SNAP29: variants seen among roughly 807,000 people sequenced by gnomAD.
SNAP29 encodes the protein synaptosome associated protein 29, also known as synaptosomal-associated protein 29.
SNAP29 carries 13 observed loss-of-function variants against 27.9 expected under a neutral mutation model. That is an observed-to-expected ratio of 0.47 (90% confidence interval 0.30 to 0.74). The LOEUF (loss-of-function observed/expected upper bound fraction) is 0.74, where lower values mean the gene tolerates loss of function less well. Among genes scored for constraint, SNAP29 ranks in the 30% least tolerant of loss-of-function variants. SNAP29 has a pLI of 0.06. For synonymous variants in SNAP29, 119 were observed against 127.1 expected, an observed-to-expected ratio of 0.94 and a Z score of 0.43; for missense variants, 368 against 336.5, an observed-to-expected ratio of 1.09 and a Z score of -0.73.
At chr22:20,868,615 T>TA (rs362186) in intron 1 of SNAP29, among the ~76,000 whole-genome samples, 57,152 of 151,860 alleles carry the variant, frequency 0.38, 11,213 homozygotes, top group African/African-American at 0.46. Context: ...AGAATATATC[T>TA]AAAAAACATT....
At chr22:20,862,667 GCA>G (rs1928354043) in intron 1 of SNAP29, among the ~76,000 whole-genome samples, 1 of 152,200 alleles carries the variant, frequency 6.6e-6, no homozygotes, top group Admixed American at 6.5e-5. Context: ...AGGCAGAGTG[GCA>G]CTTCAGGCAT....
At chr22:20,872,202 A>C (rs1569117330) in intron 2 of SNAP29, among the ~76,000 whole-genome samples, 1 of 151,064 alleles carries the variant, frequency 6.6e-6, no homozygotes, top group Non-Finnish European at 1.5e-5. Flanking sequence ...TTCCATAACC[A>C]TCTCTCTCTC....
rs1479936412 is a variant in SNAP29, at chr22:20,870,509, C to T, written c.410C>T (p.Thr137Ile). 1 of 1,613,972 alleles carries T rather than the reference C, an allele frequency of 6.2e-7. No individual in the cohort carries two copies. Among genetic ancestry groups the T allele is most frequent in the African/African-American group, 1.3e-5 (1 of 74,918 alleles). The part of the protein sequence containing the change: ...PVETPPEQNG[T>I]LTSQPNNRLK... ...GAGACCCCACCTGAACAGAATGGCACCCTCACCTCCCAGCCCAACAACAGG... is the reference window on the plus strand; with the variant it reads ...GAGACCCCACCTGAACAGAATGGCATCCTCACCTCCCAGCCCAACAACAGG... Residue 137 changes from threonine to isoleucine, a missense_variant, in exon 2 of 5, where the codon ACC becomes ATC. Physicochemically the swap from Thr to Ile is moderately conservative, Grantham distance 89. Transcript: ENST00000215730.
chr22:20,888,028 T>G lies in SNAP29; in HGVS notation c.*192T>G. 1.7e-6 allele frequency: 1 copy of G among 604,790 alleles called. No individual in the cohort carries two copies. The highest frequency in any genetic ancestry group is 2.9e-6 in the Non-Finnish European group (1 of 345,284). 37.5% of individuals were successfully genotyped at this position (604,790 alleles called of 1,614,324 possible). ...CCCACATTTTCCTAGGGTTAACACC[T>G]CACCAAGTTCTTCCAGCAAAATGCT... On this transcript the variant is annotated 3_prime_UTR_variant, in exon 5 of 5. Coordinates refer to ENST00000215730, the MANE Select transcript of SNAP29 (RefSeq NM_004782.4).
In SNAP29 at chr22:20,890,788, C is replaced by T. The variant is rs1929134551; in HGVS notation, c.*2952C>T. The T allele has an allele frequency of 7.1e-6, 1 of 140,942 alleles. No individual in the cohort carries two copies. The highest frequency in any genetic ancestry group is 2.7e-5 in the African/African-American group (1 of 37,198). The allele number at this position is 140,942 out of a possible 1,614,324, so 8.7% of individuals were successfully genotyped here. ...AAAAAAAAAAAAAAAAAATAGTGCACTCTCTGGCTGGTCACGGTGGCTCAC... is the reference window on the plus strand; with the variant it reads ...AAAAAAAAAAAAAAAAAATAGTGCATTCTCTGGCTGGTCACGGTGGCTCAC... On this transcript the variant is annotated 3_prime_UTR_variant, in exon 5 of 5. Transcript: ENST00000215730.
At chr22:20,861,022 G>A (rs1249409803) in intron 1 of SNAP29, among the ~76,000 whole-genome samples, 1 of 151,850 alleles carries the variant, frequency 6.6e-6, no homozygotes, top group Non-Finnish European at 1.5e-5. Context: ...GGGCGACAGA[G>A]CAACACGCTA....
chr22:20,863,883 A>C (rs1250422836), intron 1 of SNAP29, among the ~76,000 whole-genome samples: 2 of 151,928 alleles, frequency 1.3e-5, no homozygotes, highest in East Asian at 1.9e-4. Flanking sequence ...TATTGTATAC[A>C]TTCTGGTCTG....
At chr22:20,876,821 C>T (rs986984157) in intron 2 of SNAP29, among the ~76,000 whole-genome samples, 1 of 152,216 alleles carries the variant, frequency 6.6e-6, no homozygotes, top group East Asian at 1.9e-4. Context: ...CTGCCCGCCT[C>T]GGCCTCAAAA....
chr22:20,871,804 C>T (rs1928598810), intron 2 of SNAP29, among the ~76,000 whole-genome samples: 1 of 152,038 alleles, frequency 6.6e-6, no homozygotes, highest in East Asian at 1.9e-4. Context: ...ATGGTGTGAA[C>T]CCGGGAGGTG....
intron 2 of SNAP29, among the ~76,000 whole-genome samples, chr22:20,875,751 T>A (rs1928725236): frequency 6.6e-6 from 1 of 151,960 alleles, no homozygotes; most frequent in African/African-American, 2.4e-5. Flanking sequence ...GGCCAGGAGT[T>A]GAAGATCAGC....
intron 1 of SNAP29, among the ~76,000 whole-genome samples, chr22:20,859,871 G>A (rs1928206551): frequency 6.6e-6 from 1 of 152,128 alleles, no homozygotes; most frequent in African/African-American, 2.4e-5. Flanking sequence ...CCAACCAATA[G>A]AGGTATTGAA....
At position 20,870,334 on chromosome 22, in the gene SNAP29, C is replaced by T. The variant is rs751811953; in HGVS notation, c.238-3C>T. The T allele has an allele frequency of 2.5e-6, 4 of 1,614,092 alleles. No individual in the cohort carries two copies. Among genetic ancestry groups the T allele is most frequent in the South Asian group, 1.1e-5 (1 of 91,066 alleles). On this transcript the variant is annotated splice_polypyrimidine_tract_variant and splice_region_variant and intron_variant, in intron 1 of 4. Coordinates refer to ENST00000215730, the MANE Select transcript of SNAP29 (RefSeq NM_004782.4). ...TAATGCCACTGCCTCTCGGTTTCCC[C>T]AGGAGCTCGCCCGTCAGCGAGGAGT...
intron 1 of SNAP29, among the ~76,000 whole-genome samples, chr22:20,866,363 C>A (rs78649): frequency 6.6e-6 from 1 of 152,112 alleles, no homozygotes; most frequent in Non-Finnish European, 1.5e-5. Context: ...TGTGCACACT[C>A]CCTTGGGAAG....
chr22:20,873,440 G>A (rs984978079), intron 2 of SNAP29, among the ~76,000 whole-genome samples: 3 of 152,204 alleles, frequency 2.0e-5, no homozygotes, highest in African/African-American at 2.4e-5. Flanking sequence ...GGGTGTGGCA[G>A]GGAGGAAATT....
Position 20,890,944 on chromosome 22 carries a change from G to A in SNAP29, c.*3108G>A, listed in dbSNP as rs755881253. Reference sequence around the variant, plus strand: ...TAAAAAATTAGTCGGGCATGGTGGCGGGCGCCTGTAGTCCCAACTACTCGG... The same window carrying A: ...TAAAAAATTAGTCGGGCATGGTGGCAGGCGCCTGTAGTCCCAACTACTCGG... On this transcript the variant is annotated 3_prime_UTR_variant, in exon 5 of 5. Coordinates refer to ENST00000215730, the MANE Select transcript of SNAP29 (RefSeq NM_004782.4). 6.6e-6 allele frequency: 1 copy of A among 151,868 alleles called. No homozygotes were observed. 9.4% of individuals were successfully genotyped at this position (151,868 alleles called of 1,614,324 possible). A position where few individuals can be genotyped will look rare whatever the true frequency, so the allele number is the denominator to read the frequency against.
At chr22:20,865,594 T>A (rs1928439253) in intron 1 of SNAP29, among the ~76,000 whole-genome samples, 1 of 152,094 alleles carries the variant, frequency 6.6e-6, no homozygotes, top group Non-Finnish European at 1.5e-5. Flanking sequence ...GTTCTTAGAG[T>A]GGGAAGTGTT....
At position 20,889,481 on chromosome 22, in the gene SNAP29, C is replaced by T. The variant is rs537203663; in HGVS notation, c.*1645C>T. 1.6e-4 allele frequency: 25 copies of T among 152,246 alleles called. No homozygotes were observed. Among genetic ancestry groups the T allele is most frequent in the African/African-American group, 5.3e-4 (22 of 41,542 alleles). The allele number at this position is 152,246 out of a possible 1,614,324, so 9.4% of individuals were successfully genotyped here. Reference sequence around the variant, plus strand: ...GTGTGAGGGCCTGATTAAAGCTTATCGAACTAGACATTTGTTTATTAGATG... The same window carrying T: ...GTGTGAGGGCCTGATTAAAGCTTATTGAACTAGACATTTGTTTATTAGATG... On this transcript the variant is annotated 3_prime_UTR_variant, in exon 5 of 5. Transcript: ENST00000215730.
At position 20,871,902 on chromosome 22, in the gene SNAP29, G is replaced by C. The variant is rs370494443; in HGVS notation, c.434+1369G>C. Among the ~76,000 whole-genome samples the C allele has an allele frequency of 3.7e-4, 56 of 152,142 alleles. No homozygotes were observed. The East Asian group carries it at 8.9e-3, about 24-fold the overall frequency. ...GTCTCAAAAAAAAAAAAATTCATGA[G>C]ATTTTGGTAGACTTCAGTGTTACAT... On this transcript the variant is annotated intron_variant, in intron 2 of 4. Coordinates refer to ENST00000215730, the MANE Select transcript of SNAP29 (RefSeq NM_004782.4).
At chr22:20,877,859 T>C (rs1928786391) in intron 2 of SNAP29, among the ~76,000 whole-genome samples, 1 of 152,230 alleles carries the variant, frequency 6.6e-6, no homozygotes, top group South Asian at 2.1e-4. Context: ...ATGTGCAGGC[T>C]GAAAGGTGGC....
Sources: gnomAD v4.1 joint callset for allele counts (sites outside exome capture counted in the v4.1 genomes callset) on GRCh38, gnomAD v4.1.1 for gene constraint, MANE v1.5 for transcripts, NCBI Gene and HGNC (gene_info 2026-07-23, HGNC 2026-07-21) for gene names.